Variants in KCNJ16 observed in about 807,000 individuals in gnomAD.
KCNJ16 encodes the protein inward rectifier potassium channel 16.
Under a neutral mutation model 18.5 loss-of-function variants are expected in KCNJ16, and 15 were observed. The observed-to-expected ratio is 0.81, with a 90% CI of 0.54 to 1.25. The LOEUF is 1.25. KCNJ16 is among the 50% of genes most tolerant of loss of function. KCNJ16 has a pLI of 0.00. For synonymous variants in KCNJ16, 174 were observed against 186.5 expected (o/e 0.93, Z 0.55); for missense variants, 523 against 525.7 (o/e 0.99, Z 0.05).
At chr17:70,085,083 A>G (rs1326122529) in intron 1 of KCNJ16, among the ~76,000 whole-genome samples, 1 of 152,172 alleles carries the variant, frequency 6.6e-6, no homozygotes, top group Non-Finnish European at 1.5e-5. Flanking sequence ...ATGACAGGTG[A>G]GCTCATCATC....
intron 2 of KCNJ16, among the ~76,000 whole-genome samples, chr17:70,124,382 C>T (rs1340470634): frequency 3.9e-5 from 6 of 152,018 alleles, no homozygotes; most frequent in Non-Finnish European, 8.8e-5. Context: ...TTTCCGGTGC[C>T]TAAAAGTGGA....
intron 1 of KCNJ16, among the ~76,000 whole-genome samples, chr17:70,082,713 G>A (rs1278557920): frequency 1.3e-5 from 2 of 152,134 alleles, no homozygotes; most frequent in East Asian, 3.9e-4. Context: ...TCTTTATGGA[G>A]TAGGTGGCCA....
Position 70,132,676 on chromosome 17 carries a change from C to G in KCNJ16, c.589C>G (p.Leu197Val), listed in dbSNP as rs2074100583. 1 of 1,614,206 alleles carries G rather than the reference C, an allele frequency of 6.2e-7. No individual in the cohort carries two copies. The highest frequency in any genetic ancestry group is 8.5e-7 in the Non-Finnish European group (1 of 1,180,046). The change falls in exon 4 of 4, where the codon CTT (leucine) becomes GTT (valine). Residue 197 changes from leucine to valine, a missense_variant. Physicochemically the swap from Leu to Val is conservative, Grantham distance 32. Coordinates refer to ENST00000392671, the MANE Select transcript of KCNJ16 (RefSeq NM_170741.4). ...ACTTATAGGTATGAGAGATGGGAAG[C>G]TTTGCCTCATGTGGCGCATTGGTGA... is the stretch of plus-strand genomic sequence containing the variant. ...FALIGMRDGK[L>V]CLMWRIGDFR...
chr17:70,084,375 A>C (rs2071698001), intron 1 of KCNJ16, among the ~76,000 whole-genome samples: 1 of 152,168 alleles, frequency 6.6e-6, no homozygotes, highest in African/African-American at 2.4e-5. Flanking sequence ...GGTAGGAGAG[A>C]GTCATAATCC....
At chr17:70,122,969 C>T (rs2073705732) in intron 2 of KCNJ16, among the ~76,000 whole-genome samples, 1 of 152,170 alleles carries the variant, frequency 6.6e-6, no homozygotes, top group African/African-American at 2.4e-5. Context: ...TCATCTCTTA[C>T]CTCATTGTTG....
Position 70,132,427 on chromosome 17 carries a change from A to G in KCNJ16, c.340A>G (p.Asn114Asp). The G allele has an allele frequency of 6.2e-7, 1 of 1,614,192 alleles. No homozygotes were observed. Among genetic ancestry groups the G allele is most frequent in the Non-Finnish European group, 8.5e-7 (1 of 1,180,022 alleles). The change falls in exon 4 of 4, where the codon AAC becomes GAC. Residue 114 changes from asparagine (N) to aspartate (D), a missense_variant. Physicochemically the swap from Asn to Asp is conservative, Grantham distance 23 (BLOSUM62 1). Coordinates refer to ENST00000392671, the MANE Select transcript of KCNJ16 (RefSeq NM_170741.4). ...TCCAGACATCACACCTTGTGTTGACAACGTCCATTCTTTCACAGGGGCCTT... is the reference window on the plus strand; with the variant it reads ...TCCAGACATCACACCTTGTGTTGACGACGTCCATTCTTTCACAGGGGCCTT... ...NDPDITPCVD[N>D]VHSFTGAFLF...
chr17:70,079,287 A>G (rs1598077777), intron 1 of KCNJ16, among the ~76,000 whole-genome samples: 1 of 152,326 alleles, frequency 6.6e-6, no homozygotes, highest in East Asian at 1.9e-4. Flanking sequence ...TTCCCAGGAA[A>G]TCTTGGCTTT....
chr17:70,129,874 C>A (rs1316858684), intron 2 of KCNJ16, among the ~76,000 whole-genome samples: 2 of 152,002 alleles, frequency 1.3e-5, no homozygotes, highest in East Asian at 1.9e-4. Context: ...ATGATGCCAA[C>A]TGAATGCCAT....
rs2074132238 is a variant in KCNJ16, at chr17:70,133,285, A to G, written c.1198A>G (p.Thr400Ala). 6.2e-7 allele frequency: 1 copy of G among 1,614,116 alleles called. No individual in the cohort carries two copies. Among genetic ancestry groups the G allele is most frequent in the African/African-American group, 1.3e-5 (1 of 75,032 alleles). ...TTCCGCCACACATGAATATAGGGAA[A>G]CACCTTATCAGAAAGCTCTCCTGAC... is the stretch of plus-strand genomic sequence containing the variant. ...TTSATHEYRE[T>A]PYQKALLTLN... is the part of the protein sequence containing the mutation. The change falls in exon 4 of 4, where the codon ACA becomes GCA. Residue 400 changes from threonine (T) to alanine (A), a missense_variant. Transcript: ENST00000392671.
intron 2 of KCNJ16, among the ~76,000 whole-genome samples, chr17:70,113,460 T>C (rs544835126): frequency 1.8e-4 from 28 of 152,324 alleles, no homozygotes; most frequent in Admixed American, 4.6e-4. Context: ...TGAATGTTGA[T>C]TGAATTTAAA....
At chr17:70,126,838 A>T (rs2073871947) in intron 2 of KCNJ16, among the ~76,000 whole-genome samples, 1 of 152,202 alleles carries the variant, frequency 6.6e-6, no homozygotes, top group Non-Finnish European at 1.5e-5. Flanking sequence ...CCATGGAGAA[A>T]CGTAATCCCA....
intron 1 of KCNJ16, among the ~76,000 whole-genome samples, chr17:70,098,415 T>C (rs8072022): frequency 0.1 from 15,509 of 152,172 alleles, 893 homozygotes; most frequent in African/African-American, 0.15. Flanking sequence ...TTTTATTAAT[T>C]TATCATAAGG....
chr17:70,120,301 ATCTTTCTG>A, intron 2 of KCNJ16, among the ~76,000 whole-genome samples: 1 of 152,078 alleles, frequency 6.6e-6, no homozygotes, highest in South Asian at 2.1e-4. Flanking sequence ...ACTTTCCCTC[ATCTTTCTG>A]TCTTCTTCTG....
chr17:70,104,273 C>T (rs940549250), intron 2 of KCNJ16, among the ~76,000 whole-genome samples: 1 of 152,124 alleles, frequency 6.6e-6, no homozygotes, highest in African/African-American at 2.4e-5. Flanking sequence ...GCAAGTAATG[C>T]TTCTTTACAA....
intron 1 of KCNJ16, among the ~76,000 whole-genome samples, chr17:70,082,139 C>A (rs2071583187): frequency 1.3e-5 from 2 of 152,222 alleles, no homozygotes; most frequent in South Asian, 2.1e-4. Context: ...AGGACACTGA[C>A]AGAAAAAACA....
Position 70,133,264 on chromosome 17 carries a change from G to A in KCNJ16, c.1177G>A (p.Ala393Thr), listed in dbSNP as rs375371610. ...AAACCCTGAGGAGACCACCACTTCC[G>A]CCACACATGAATATAGGGAAACACC... ...CENPEETTTS[A>T]THEYRETPYQ... The change falls in exon 4 of 4, where the codon GCC (alanine) becomes ACC (threonine). Residue 393 changes from alanine to threonine, a missense_variant. Transcript: ENST00000392671. 19 of 1,613,924 alleles carry A rather than the reference G, an allele frequency of 1.2e-5. No individual in the cohort carries two copies. The highest frequency in any genetic ancestry group is 2.2e-5 in the East Asian group (1 of 44,884).
intron 2 of KCNJ16, among the ~76,000 whole-genome samples, chr17:70,109,449 C>CT (rs1044784055): frequency 2.0e-5 from 3 of 151,938 alleles, no homozygotes; most frequent in African/African-American, 7.3e-5. Context: ...GGATCTGTTA[C>CT]TTTTTTTTGC....
At chr17:70,077,752 C>T (rs2071378259) in intron 1 of KCNJ16, among the ~76,000 whole-genome samples, 1 of 151,478 alleles carries the variant, frequency 6.6e-6, no homozygotes, top group Non-Finnish European at 1.5e-5. Context: ...CAAATGGCCC[C>T]TTTGCTGGAA....
intron 1 of KCNJ16, among the ~76,000 whole-genome samples, chr17:70,085,183 C>T (rs1598089301): frequency 6.6e-6 from 1 of 152,136 alleles, no homozygotes; most frequent in South Asian, 2.1e-4. Flanking sequence ...GACCATATAC[C>T]ACTACATGGA....
Sources: gnomAD v4.1 joint callset for allele counts (sites outside exome capture counted in the v4.1 genomes callset) on GRCh38, gnomAD v4.1.1 for gene constraint, MANE v1.5 for transcripts, NCBI Gene and HGNC (gene_info 2026-07-23, HGNC 2026-07-21) for gene names.